The following DNAH8 variants were observed in gnomAD, a reference collection of about 807,000 sequenced individuals.
DNAH8 encodes the protein dynein axonemal heavy chain 8, also known as axonemal beta dynein heavy chain 8.
In DNAH8, 382 loss-of-function variants were observed where a neutral mutation model predicts 562.1. That is an observed-to-expected ratio of 0.68 (90% CI 0.63 to 0.74). The LOEUF is 0.74. DNAH8 is among the 30% of genes least tolerant of loss of function. The pLI is 0.00. For synonymous variants in DNAH8, 1,881 were observed against 1,919.4 expected, an observed-to-expected ratio of 0.98 and a Z score of 0.52; for missense variants, 5,203 against 5,620.4, an observed-to-expected ratio of 0.93 and a Z score of 2.37.
At chr6:38,772,474 T>A (rs1488251993) in intron 12 of DNAH8, among the ~76,000 whole-genome samples, 1 of 152,202 alleles carries the variant, frequency 6.6e-6, no homozygotes, top group Non-Finnish European at 1.5e-5. Flanking sequence ...CATATTTTGA[T>A]GTACTTTTGC....
At chr6:38,821,350 C>T (rs1446441398) in intron 26 of DNAH8, among the ~76,000 whole-genome samples, 1 of 152,146 alleles carries the variant, frequency 6.6e-6, no homozygotes, top group East Asian at 1.9e-4. Context: ...ACATCATGCT[C>T]ATGGGTTGGA....
At chr6:38,865,592 T>C (rs917756548) in intron 45 of DNAH8, among the ~76,000 whole-genome samples, 1 of 152,200 alleles carries the variant, frequency 6.6e-6, no homozygotes, top group Non-Finnish European at 1.5e-5. Flanking sequence ...AGAAAGCATC[T>C]CTATTGTGTT....
chr6:38,855,342 G>C (rs1019252070), intron 41 of DNAH8, among the ~76,000 whole-genome samples: 20 of 151,986 alleles, frequency 1.3e-4, no homozygotes, highest in Non-Finnish European at 2.8e-4. Context: ...AAACCTGCAC[G>C]TTCTGCACGT....
At chr6:38,935,347 A>G (rs1782864957) in intron 76 of DNAH8, among the ~76,000 whole-genome samples, 1 of 152,230 alleles carries the variant, frequency 6.6e-6, no homozygotes, top group African/African-American at 2.4e-5. Context: ...ATTTAGCAGA[A>G]TTGTCTGGTG....
At chr6:38,851,114 A>AT (rs1188273722) in intron 38 of DNAH8, among the ~76,000 whole-genome samples, 2 of 152,132 alleles carry the variant, frequency 1.3e-5, no homozygotes, top group African/African-American at 2.4e-5. Flanking sequence ...TGTCAGGATA[A>AT]TTTTTTTAAG....
intron 60 of DNAH8, among the ~76,000 whole-genome samples, 178 bp downstream of exon 60, chr6:38,896,403 G>A (rs925593810): frequency 2.1e-4 from 32 of 151,784 alleles, no homozygotes; most frequent in Non-Finnish European, 4.1e-4. Context: ...ATGAGACCCT[G>A]TCTCTATAAA....
At chr6:39,005,372 C>T (rs1256538905) in intron 88 of DNAH8, among the ~76,000 whole-genome samples, 1 of 152,150 alleles carries the variant, frequency 6.6e-6, no homozygotes, top group East Asian at 1.9e-4. Context: ...CCACTGTACT[C>T]CAGCCTGGGC....
chr6:38,880,188 A>G (rs1032021373), intron 53 of DNAH8, among the ~76,000 whole-genome samples: 1 of 152,180 alleles, frequency 6.6e-6, no homozygotes, highest in Non-Finnish European at 1.5e-5. Context: ...CGGAGGTTGC[A>G]GTGAGCTGAG....
At chr6:38,885,593 C>T (rs1286181864) in intron 56 of DNAH8, among the ~76,000 whole-genome samples, 2 of 152,148 alleles carry the variant, frequency 1.3e-5, no homozygotes, top group Admixed American at 6.5e-5. Context: ...ACATTTTGAC[C>T]GCCTCTCCCT....
At chr6:39,017,318 A>T (rs1048545569) in intron 91 of DNAH8, among the ~76,000 whole-genome samples, 15 of 152,222 alleles carry the variant, frequency 9.9e-5, no homozygotes, top group Middle Eastern at 3.4e-3. Flanking sequence ...ATTCTGGTGC[A>T]TGAGCTTGCA....
intron 32 of DNAH8, 42 bp downstream of exon 32, chr6:38,834,683 TA>T (rs1774133268): frequency 1.4e-6 from 2 of 1,460,796 alleles, no homozygotes; most frequent in Non-Finnish European, 1.9e-6. Flanking sequence ...ATGTGTAATT[TA>T]AAAAATTATT....
Position 38,917,925 on chromosome 6 carries a change from T to C in DNAH8, c.10309T>C (p.Leu3437=). ...CKPSWGESLK[L]MSATGFLWSL... is the part of the protein sequence containing the mutation. Reference sequence around the variant, plus strand: ...TACAGGTTATAATACTATTTTTCAGTTGATGAGTGCAACAGGATTCCTGTG... The same window carrying C: ...TACAGGTTATAATACTATTTTTCAGCTGATGAGTGCAACAGGATTCCTGTG... Residue 3437 remains leucine (L), a splice_region_variant and synonymous_variant, in exon 70 of 93, where the codon TTG becomes CTG. Coordinates refer to ENST00000327475, the MANE Select transcript of DNAH8 (RefSeq NM_001206927.2). 6.2e-7 allele frequency: 1 copy of C among 1,606,650 alleles called. No homozygotes were observed. The highest frequency in any genetic ancestry group is 8.5e-7 in the Non-Finnish European group (1 of 1,176,434).
chr6:38,883,421 A>C lies in DNAH8; in HGVS notation c.8101A>C (p.Asn2701His). 1 of 1,612,780 alleles carries C rather than the reference A, an allele frequency of 6.2e-7. No homozygotes were observed. ...TGAAGTACAGCTATCCAAAAGTCTA[A>C]ACTTTTCATCTGCCACAGAACCAAT... is the stretch of plus-strand genomic sequence containing the variant. ...DPEVQLSKSLNFSSATEPMMF... is the reference protein window; with the variant it reads ...DPEVQLSKSLHFSSATEPMMF... Residue 2701 changes from asparagine to histidine, a missense_variant, in exon 55 of 93, where the codon AAC becomes CAC. Asn to His is a moderately conservative substitution (Grantham distance 68). Transcript: ENST00000327475.
At chr6:38,898,401 A>G (rs1267889720) in intron 61 of DNAH8, 21 bp downstream of exon 61, 2 of 1,532,328 alleles carry the variant, frequency 1.3e-6, no homozygotes, top group East Asian at 4.8e-5. Context: ...TTGCCTATTT[A>G]CTGATATAAA....
chr6:38,875,203 T>G (rs1777902256), intron 52 of DNAH8, among the ~76,000 whole-genome samples: 1 of 152,234 alleles, frequency 6.6e-6, no homozygotes, highest in African/African-American at 2.4e-5. Context: ...CTGCAAAATT[T>G]TACAAAGAAA....
At position 38,722,381 on chromosome 6, in the gene DNAH8, C is replaced by T. The variant is rs76204646; in HGVS notation, c.-34-395C>T. On this transcript the variant is annotated intron_variant, in intron 1 of 92. Transcript: ENST00000327475. ...TTGGTCTCTTGCACAGTGAGTACCT[C>T]GGCAGTGATCTACAGTCTGTCCTCT... Among the ~76,000 whole-genome samples the T allele has an allele frequency of 1.8e-4, 27 of 152,162 alleles. No individual in the cohort carries two copies. In the East Asian group the frequency reaches 5.0e-3, roughly 28 times the overall value.
intron 91 of DNAH8, among the ~76,000 whole-genome samples, chr6:39,023,464 G>T (rs145861269): frequency 3.9e-5 from 6 of 152,320 alleles, no homozygotes; most frequent in South Asian, 2.1e-4. Context: ...TTGCACTCCA[G>T]CCTGGGCGAC....
rs1561906868 is a variant in DNAH8, at chr6:38,951,452, T to G, written c.12383T>G (p.Ile4128Arg). 6.2e-7 allele frequency: 1 copy of G among 1,614,070 alleles called. No individual in the cohort carries two copies. The highest frequency in any genetic ancestry group is 8.5e-7 in the Non-Finnish European group (1 of 1,180,050). ...WEESDTRTPL[I>R]CFLSMGSDPT... ...GAAAGTGATACCCGGACACCTCTGA[T>G]ATGCTTCCTGTCCATGGGATCTGAC... Residue 4128 changes from isoleucine to arginine, a missense_variant, in exon 82 of 93, where the codon ATA becomes AGA. Transcript: ENST00000327475.
In DNAH8 at chr6:38,896,252, G is replaced by A. The variant is rs1290440090; in HGVS notation, c.8940+27G>A. ...TATTTATTTTCATCTCTTAAAAGAG[G>A]TTTTCAGATTGCTCACCTGACTAGA... is the stretch of plus-strand genomic sequence containing the variant. On this transcript the variant is annotated intron_variant, in intron 60 of 92. Transcript: ENST00000327475. The A allele has an allele frequency of 3.2e-6, 5 of 1,576,614 alleles. No individual in the cohort carries two copies. The South Asian group carries it at 5.6e-5, about 18-fold the overall frequency.
Sources: allele counts gnomAD v4.1 joint callset (sites outside exome capture counted in the v4.1 genomes callset), GRCh38; gene constraint gnomAD v4.1.1; transcripts MANE v1.5; gene names NCBI Gene and HGNC (gene_info 2026-07-23, HGNC 2026-07-21).